The following NDST3 variants were observed in gnomAD, a reference collection of about 807,000 sequenced individuals.
NDST3 encodes bifunctional heparan sulfate N-deacetylase/N-sulfotransferase 3.
A neutral mutation model predicts 96.1 loss-of-function variants in NDST3; 58 were observed. That is an observed-to-expected ratio of 0.60 (90% CI 0.49 to 0.75). The LOEUF is 0.75. Among genes scored for constraint, NDST3 ranks in the 30% least tolerant of loss-of-function variants. The pLI is 0.00. For missense variants in NDST3, 788 were observed against 1,034.2 expected, an observed-to-expected ratio of 0.76 and a Z score of 3.27; for synonymous variants, 333 against 359.7, an observed-to-expected ratio of 0.93 and a Z score of 0.84.
chr4:118,137,595 G>A (rs1733216732), intron 4 of NDST3, among the ~76,000 whole-genome samples: 1 of 152,210 alleles, frequency 6.6e-6, no homozygotes, highest in African/African-American at 2.4e-5. Context: ...AAACTTGGTA[G>A]AAACTGTAGA....
chr4:118,255,965 G>C lies in NDST3; in HGVS notation c.*253G>C. On this transcript the variant is annotated 3_prime_UTR_variant, in exon 14 of 14. Coordinates refer to ENST00000296499, the MANE Select transcript of NDST3 (RefSeq NM_004784.3). The stretch of plus-strand genomic sequence containing the variant: ...TTGTAGACTACTGTGCACTCATGTG[G>C]AAGTCAATTGCAACCAACATAAATA... The C allele has an allele frequency of 3.8e-6, 1 of 260,722 alleles. No individual in the cohort carries two copies. The highest frequency in any genetic ancestry group is 7.2e-6 in the Non-Finnish European group (1 of 138,634). 16.2% of individuals were successfully genotyped at this position (260,722 alleles called of 1,614,324 possible). A position where few individuals can be genotyped will look rare whatever the true frequency, so the allele number is the denominator to read the frequency against.
chr4:118,075,362 T>C (rs975125751), intron 2 of NDST3, among the ~76,000 whole-genome samples: 6 of 152,216 alleles, frequency 3.9e-5, no homozygotes, highest in Non-Finnish European at 7.3e-5. Flanking sequence ...TAAACATACA[T>C]GTGCAGTGTC....
At chr4:118,116,482 G>T (rs1731125912) in intron 4 of NDST3, among the ~76,000 whole-genome samples, 1 of 152,116 alleles carries the variant, frequency 6.6e-6, no homozygotes, top group African/African-American at 2.4e-5. Flanking sequence ...ATAGTATCTA[G>T]AAATTACTTG....
chr4:118,093,834 G>A (rs1357628153), intron 2 of NDST3, among the ~76,000 whole-genome samples: 1 of 151,764 alleles, frequency 6.6e-6, no homozygotes, highest in Non-Finnish European at 1.5e-5. Context: ...ATAAATAATA[G>A]AAATTTAGTT....
chr4:118,133,426 G>C (rs545622700), intron 4 of NDST3, among the ~76,000 whole-genome samples: 1 of 152,244 alleles, frequency 6.6e-6, no homozygotes, highest in African/African-American at 2.4e-5. Flanking sequence ...CGCACTTCAT[G>C]GCCACTGCCG....
chr4:118,053,757 C>A lies in NDST3; in HGVS notation c.-154C>A. On this transcript the variant is annotated splice_region_variant and 5_prime_UTR_variant, in exon 2 of 14. The change creates a new upstream start codon in the 5' untranslated region. Coordinates refer to ENST00000296499, the MANE Select transcript of NDST3 (RefSeq NM_004784.3). The stretch of plus-strand genomic sequence containing the variant: ...TTTATATTCTTTTCTATTTTTCAGA[C>A]TGTATTTTCTGTGAGTCCTGATCAA... The A allele has an allele frequency of 1.4e-6, 1 of 728,554 alleles. No individual in the cohort carries two copies. Among genetic ancestry groups the A allele is most frequent in the Non-Finnish European group, 2.1e-6 (1 of 472,306 alleles). 45.1% of individuals were successfully genotyped at this position (728,554 alleles called of 1,614,324 possible). A position where few individuals can be genotyped will look rare whatever the true frequency, so the allele number is the denominator to read the frequency against.
intron 6 of NDST3, among the ~76,000 whole-genome samples, chr4:118,200,933 C>T (rs1738037789): frequency 6.6e-6 from 1 of 152,062 alleles, no homozygotes; most frequent in Admixed American, 6.6e-5. Flanking sequence ...GTTTTTCAAC[C>T]CACCCACTCC....
rs1742199203 is a variant in NDST3 at position 118,257,698 on chromosome 4, A to G, written c.*1986A>G. 1 of 152,220 alleles carries G rather than the reference A, an allele frequency of 6.6e-6. No individual in the cohort carries two copies. Among genetic ancestry groups the G allele is most frequent in the African/African-American group, 2.4e-5 (1 of 41,466 alleles). 9.4% of individuals were successfully genotyped at this position (152,220 alleles called of 1,614,324 possible). ...TACTTTTTTAAAGTTTCATGTACCT[A>G]AAGCATATGCTAATTTTTAAATATA... is the stretch of plus-strand genomic sequence containing the variant. On this transcript the variant is annotated 3_prime_UTR_variant, in exon 14 of 14. Transcript: ENST00000296499.
chr4:118,105,481 AG>A (rs1730098234), intron 3 of NDST3, among the ~76,000 whole-genome samples: 3 of 152,188 alleles, frequency 2.0e-5, no homozygotes, highest in African/African-American at 7.2e-5. Flanking sequence ...CTCTCAAAGA[AG>A]AGTAGTATTC....
At chr4:118,161,836 A>G (rs114629514) in intron 6 of NDST3, among the ~76,000 whole-genome samples, 6,699 of 152,228 alleles carry the variant, frequency 0.044, 222 homozygotes, top group Non-Finnish European at 0.07. Context: ...GAGTGAGGCA[A>G]TGCTTCACCC....
At chr4:118,141,563 T>C (rs1337293424) in intron 5 of NDST3, among the ~76,000 whole-genome samples, 1 of 152,184 alleles carries the variant, frequency 6.6e-6, no homozygotes, top group East Asian at 1.9e-4. Flanking sequence ...AATTCAAATA[T>C]CTTTTTGCTT....
chr4:118,189,133 T>G (rs1240959268), intron 6 of NDST3, among the ~76,000 whole-genome samples: 2 of 152,134 alleles, frequency 1.3e-5, no homozygotes, highest in Admixed American at 6.5e-5. Flanking sequence ...CACTGCAACC[T>G]CTGCATCCCA....
At chr4:118,153,758 A>C (rs1291637994) in intron 6 of NDST3, among the ~76,000 whole-genome samples, 1 of 152,152 alleles carries the variant, frequency 6.6e-6, no homozygotes, top group Non-Finnish European at 1.5e-5. Flanking sequence ...CGGGAGGCGG[A>C]GGTTGCAGTG....
chr4:118,202,855 C>A (rs1266705809), intron 6 of NDST3, among the ~76,000 whole-genome samples: 1 of 152,078 alleles, frequency 6.6e-6, no homozygotes, highest in East Asian at 1.9e-4. Context: ...CTGTGTTGAA[C>A]ATGAGTGGTA....
intron 6 of NDST3, among the ~76,000 whole-genome samples, chr4:118,148,656 C>A (rs1057442954): frequency 1.3e-5 from 2 of 151,606 alleles, no homozygotes; most frequent in Non-Finnish European, 2.9e-5. Flanking sequence ...AGAAGAAAGC[C>A]TTTATAAAAA....
rs138194917 is a variant in NDST3, at chr4:118,133,527, G to C, written c.1225-4527G>C. The stretch of plus-strand genomic sequence containing the variant: ...TCATTAACTTTTATGAAGATAAAAC[G>C]AGGTACTGCGATTGCTTACCTGATT... On this transcript the variant is annotated intron_variant, in intron 4 of 13. Transcript: ENST00000296499. Among the ~76,000 whole-genome samples, 439 of 152,252 alleles carry C rather than the reference G, an allele frequency of 2.9e-3. 2 individuals are homozygous for C. Among genetic ancestry groups the C allele is most frequent in the African/African-American group, 9.9e-3 (412 of 41,544 alleles).
chr4:118,110,591 A>G (rs950938108), intron 3 of NDST3, among the ~76,000 whole-genome samples: 3 of 152,226 alleles, frequency 2.0e-5, no homozygotes, highest in Admixed American at 6.5e-5. Flanking sequence ...TTTAAATATA[A>G]TATCAGAATA....
At chr4:118,226,575 C>A (rs1038594461) in intron 7 of NDST3, among the ~76,000 whole-genome samples, 4 of 151,986 alleles carry the variant, frequency 2.6e-5, no homozygotes, top group Non-Finnish European at 5.9e-5. Context: ...ATAATCTCTG[C>A]CCAGTAAGCT....
intron 10 of NDST3, among the ~76,000 whole-genome samples, chr4:118,237,594 T>C (rs886824662): frequency 6.6e-6 from 1 of 152,198 alleles, no homozygotes; most frequent in Non-Finnish European, 1.5e-5. Flanking sequence ...AGAGTCAGAT[T>C]GCAACAAGTT....
Sources: gnomAD v4.1 joint callset for allele counts (sites outside exome capture counted in the v4.1 genomes callset) on GRCh38, gnomAD v4.1.1 for gene constraint, MANE v1.5 for transcripts, NCBI Gene and HGNC (gene_info 2026-07-23, HGNC 2026-07-21) for gene names.